RGS6: variants seen among roughly 807,000 people sequenced by gnomAD.
RGS6 encodes regulator of G protein signaling 6, also known as regulator of G-protein signaling 6.
A neutral mutation model predicts 78.5 loss-of-function variants in RGS6; 30 were observed. The ratio of observed to expected loss-of-function variants is 0.38; its 90% confidence interval spans 0.29 to 0.52. The LOEUF is 0.52. RGS6 is among the 20% of genes least tolerant of loss of function. The pLI, the probability that RGS6 is intolerant of heterozygous loss-of-function variation, is 0.85. For missense variants in RGS6, 495 were observed against 609.7 expected (o/e 0.81, Z 1.98); for synonymous variants, 206 against 206.0 (o/e 1.00, Z 0.00).
At chr14:71,905,156 A>G in the RGS6 span, among the ~76,000 whole-genome samples, 4 of 152,182 alleles carry the variant, frequency 2.6e-5, no homozygotes, top group Non-Finnish European at 4.4e-5. Flanking sequence ...GCCCTTGATC[A>G]GTTTCTTTTT....
chr14:72,506,419 G>A (rs1232578065), intron 13 of RGS6, among the ~76,000 whole-genome samples: 1 of 152,218 alleles, frequency 6.6e-6, no homozygotes, highest in Admixed American at 6.5e-5. Flanking sequence ...GGAGATGGAT[G>A]TTGAAAGATA....
the RGS6 span, chr14:72,619,152 G>A: frequency 3.9e-6 from 3 of 774,376 alleles, no homozygotes; most frequent in Non-Finnish European, 6.0e-6. Context: ...CACCCTCTTC[G>A]TTCCATGTGT....
chr14:72,343,792 G>A (rs181827672), intron 2 of RGS6, among the ~76,000 whole-genome samples: 8 of 152,222 alleles, frequency 5.3e-5, no homozygotes, highest in East Asian at 1.9e-4. Flanking sequence ...ACAATTTACC[G>A]TTCCCAAATA....
rs1008457297 is a variant in RGS6 at position 72,396,488 on chromosome 14, G to A, written c.184+44294G>A. 3.3e-5 allele frequency among the ~76,000 whole-genome samples: 5 copies of A among 152,048 alleles called. No homozygotes were observed. The South Asian group carries it at 1.0e-3, about 32-fold the overall frequency. ...GGTTGCAAAAATTTTCTTCCATTCT[G>A]TAGGTTGCCTGTTCACTCTGATGGT... On this transcript the variant is annotated intron_variant, in intron 3 of 17. Coordinates refer to ENST00000553525, the MANE Select transcript of RGS6 (RefSeq NM_001204424.2).
At chr14:72,399,850 A>G (rs2092121453) in intron 3 of RGS6, among the ~76,000 whole-genome samples, 1 of 152,232 alleles carries the variant, frequency 6.6e-6, no homozygotes. Flanking sequence ...AAAGAATAAA[A>G]AGAAACAAAC....
At chr14:72,463,200 A>G (rs754784936) in intron 6 of RGS6, among the ~76,000 whole-genome samples, 21 of 152,226 alleles carry the variant, frequency 1.4e-4, no homozygotes, top group Non-Finnish European at 2.8e-4. Flanking sequence ...GGACAAGGAA[A>G]TAGAAATTTT....
At chr14:72,136,796 C>A (rs1292854297) in intron 2 of RGS6, among the ~76,000 whole-genome samples, 1 of 152,120 alleles carries the variant, frequency 6.6e-6, no homozygotes, top group Non-Finnish European at 1.5e-5. Flanking sequence ...GGTCTTTGAA[C>A]CTGTTTTGCT....
chr14:72,210,784 T>A (rs917549917), intron 2 of RGS6, among the ~76,000 whole-genome samples: 7 of 152,182 alleles, frequency 4.6e-5, no homozygotes, highest in African/African-American at 1.4e-4. Context: ...TGCTGGCTAC[T>A]CTTTCCCCTG....
At chr14:72,411,962 G>A (rs1465115165) in intron 3 of RGS6, among the ~76,000 whole-genome samples, 2 of 152,050 alleles carry the variant, frequency 1.3e-5, no homozygotes, top group South Asian at 2.1e-4. Flanking sequence ...TGCTGGATTC[G>A]GTTTGCCAGT....
At chr14:72,117,960 CCTGCAGCTAG>C (rs1049254664) in intron 2 of RGS6, among the ~76,000 whole-genome samples, 5 of 152,182 alleles carry the variant, frequency 3.3e-5, no homozygotes, top group African/African-American at 1.2e-4. Context: ...ATGATACTCA[CCTGCAGCTAG>C]CTCTTTCCAT....
chr14:72,557,862 T>A (rs908581847), intron 17 of RGS6, among the ~76,000 whole-genome samples: 3 of 152,160 alleles, frequency 2.0e-5, no homozygotes, highest in African/African-American at 7.2e-5. Context: ...GAATCCAGGT[T>A]CCTCCTGTAC....
At chr14:72,157,480 G>A (rs561869550) in intron 2 of RGS6, among the ~76,000 whole-genome samples, 1 of 152,318 alleles carries the variant, frequency 6.6e-6, no homozygotes, top group African/African-American at 2.4e-5. Context: ...GCTATGTGTG[G>A]CTGAAGAATT....
intron 16 of RGS6, among the ~76,000 whole-genome samples, 171 bp downstream of exon 16, chr14:72,536,446 C>T (rs8010803): frequency 6.6e-6 from 1 of 152,134 alleles, no homozygotes; most frequent in Non-Finnish European, 1.5e-5. Context: ...TTGTCACCAC[C>T]CCAGCCCCAC....
At chr14:72,086,694 A>G (rs1460286057) in intron 2 of RGS6, among the ~76,000 whole-genome samples, 1 of 152,226 alleles carries the variant, frequency 6.6e-6, no homozygotes, top group Non-Finnish European at 1.5e-5. Flanking sequence ...AATAATCTAC[A>G]TCCAAAATGC....
chr14:71,881,997 C>A, the RGS6 span, among the ~76,000 whole-genome samples: 1 of 152,162 alleles, frequency 6.6e-6, no homozygotes, highest in Non-Finnish European at 1.5e-5. Context: ...GTGTGCAATT[C>A]AGTGGCATTA....
chr14:72,562,446 G>A lies in RGS6; in HGVS notation c.1452G>A (p.Thr484=), dbSNP rs746072430. The A allele has an allele frequency of 1.3e-5, 21 of 1,612,694 alleles. No individual in the cohort carries two copies. Among genetic ancestry groups the A allele is most frequent in the African/African-American group, 5.3e-5 (4 of 74,942 alleles). ...VGKSLAGKRL[T]GLMQSS ...AGTCGCTGGCGGGCAAGCGCCTCAC[G>A]GGCCTGATGCAGTCCTCCTGACCGT... The change falls in exon 18 of 18, where the codon ACG becomes ACA. Residue 484 remains threonine, a synonymous_variant. Coordinates refer to ENST00000553525, the MANE Select transcript of RGS6 (RefSeq NM_001204424.2).
intron 2 of RGS6, among the ~76,000 whole-genome samples, chr14:72,006,084 A>G (rs2084497851): frequency 6.6e-6 from 1 of 152,138 alleles, no homozygotes; most frequent in Admixed American, 6.5e-5. Flanking sequence ...AAAAAGAGAA[A>G]TGCATGCAAA....
chr14:72,593,759 G>C, the RGS6 span, among the ~76,000 whole-genome samples: 5 of 152,212 alleles, frequency 3.3e-5, no homozygotes, highest in African/African-American at 1.2e-4. Flanking sequence ...ATCCAATCTA[G>C]TGTTTCCCAA....
intron 2 of RGS6, among the ~76,000 whole-genome samples, chr14:72,005,643 C>G (rs1374083942): frequency 6.6e-6 from 1 of 152,034 alleles, no homozygotes. Context: ...TTTAAAAAAG[C>G]TTTTAATATC....
Sources: gnomAD v4.1 joint callset for allele counts (sites outside exome capture counted in the v4.1 genomes callset) on GRCh38, gnomAD v4.1.1 for gene constraint, MANE v1.5 for transcripts, NCBI Gene and HGNC (gene_info 2026-07-23, HGNC 2026-07-21) for gene names.